The following LSM3 variants were observed in gnomAD, a reference collection of about 807,000 sequenced individuals.
The protein encoded by LSM3 is U6 snRNA-associated Sm-like protein LSm3.
Under a neutral mutation model 15.4 loss-of-function variants are expected in LSM3, and 14 were observed. That is an observed-to-expected ratio of 0.91 (90% CI 0.60 to 1.42). The LOEUF is 1.42. Among genes scored for constraint, LSM3 ranks in the 40% most tolerant of loss-of-function variants. The pLI, the probability that LSM3 is intolerant of heterozygous loss-of-function variation, is 0.00. For missense variants in LSM3, 88 were observed against 127.9 expected (o/e 0.69, Z 1.50); for synonymous variants, 46 against 45.1 (o/e 1.02, Z -0.08).
rs1195113038 is a variant in LSM3, at chr3:14,185,975, A to G, written c.228+1943A>G. 5.9e-5 allele frequency among the ~76,000 whole-genome samples: 9 copies of G among 151,700 alleles called. No individual in the cohort carries two copies. In the South Asian group the frequency reaches 1.5e-3, roughly 25 times the overall value. ...GTCACCCAGGCTGGAGTGCAATGTCAGTCTCAGCTCACTGCAGCCTCCGCC... is the reference window on the plus strand; with the variant it reads ...GTCACCCAGGCTGGAGTGCAATGTCGGTCTCAGCTCACTGCAGCCTCCGCC... On this transcript the variant is annotated intron_variant, in intron 3 of 3. Transcript: ENST00000306024.
intron 3 of LSM3, among the ~76,000 whole-genome samples, chr3:14,196,380 G>T (rs1409734587): frequency 6.6e-6 from 1 of 152,148 alleles, no homozygotes; most frequent in African/African-American, 2.4e-5. Context: ...CCAGCTCAGG[G>T]TGCAGGACTG....
intron 3 of LSM3, among the ~76,000 whole-genome samples, chr3:14,184,574 G>C (rs1574987882): frequency 6.6e-6 from 1 of 151,026 alleles, no homozygotes; most frequent in African/African-American, 2.4e-5. Flanking sequence ...CTAAAAAAAC[G>C]GTGAAACCCC....
At chr3:14,194,265 T>G (rs760754689) in intron 3 of LSM3, among the ~76,000 whole-genome samples, 5 of 152,166 alleles carry the variant, frequency 3.3e-5, no homozygotes, top group Non-Finnish European at 7.4e-5. Flanking sequence ...AGACTGACCC[T>G]TAGCAGAGCT....
At chr3:14,197,926 A>T in intron 3 of LSM3, 110 bp from the exon 4 acceptor site, 1 of 890,216 alleles carries the variant, frequency 1.1e-6, no homozygotes, top group Non-Finnish European at 1.8e-6. Context: ...CAGGTTTTTT[A>T]ATCCAATTTT....
intron 1 of LSM3, 94 bp from the exon 2 acceptor site, chr3:14,181,466 G>A (rs936645600): frequency 9.0e-6 from 7 of 778,322 alleles, no homozygotes; most frequent in Non-Finnish European, 1.3e-5. Context: ...GCAGAAAAAG[G>A]TTAAATAACT....
At position 14,199,278 on chromosome 3, in the gene LSM3, A is replaced by G. The variant is rs1199775507; in HGVS notation, c.*1162A>G. 6.6e-6 allele frequency: 1 copy of G among 152,236 alleles called. No individual in the cohort carries two copies. The highest frequency in any genetic ancestry group is 2.4e-5 in the African/African-American group (1 of 41,470). The allele number at this position is 152,236 out of a possible 1,614,324, so 9.4% of individuals were successfully genotyped here. On this transcript the variant is annotated 3_prime_UTR_variant, in exon 4 of 4. Transcript: ENST00000306024. ...TATTTCTAGCTTCAGTCAGCACATAATGCTTAAAACCTAAAGAGGAAAGTA... is the reference window on the plus strand; with the variant it reads ...TATTTCTAGCTTCAGTCAGCACATAGTGCTTAAAACCTAAAGAGGAAAGTA...
chr3:14,187,828 G>A (rs1012971867), intron 3 of LSM3, among the ~76,000 whole-genome samples: 5 of 152,228 alleles, frequency 3.3e-5, no homozygotes, highest in Admixed American at 2.0e-4. Context: ...GTGGAAAGCA[G>A]TCAGTCTTAC....
chr3:14,196,297 C>T (rs138605311), intron 3 of LSM3, among the ~76,000 whole-genome samples: 47 of 152,078 alleles, frequency 3.1e-4, no homozygotes, highest in African/African-American at 1.1e-3. Flanking sequence ...CAGAGATCAA[C>T]GATAGTGGGT....
At chr3:14,183,366 T>G (rs866024814) in intron 2 of LSM3, among the ~76,000 whole-genome samples, 1 of 152,224 alleles carries the variant, frequency 6.6e-6, no homozygotes, top group Non-Finnish European at 1.5e-5. Flanking sequence ...ATTTATTGAT[T>G]GAGCCCACAG....
At chr3:14,180,451 G>A (rs1697019489) in intron 1 of LSM3, among the ~76,000 whole-genome samples, 1 of 151,922 alleles carries the variant, frequency 6.6e-6, no homozygotes, top group East Asian at 1.9e-4. Context: ...GCCACACCTG[G>A]CTAATTTTTG....
intron 3 of LSM3, among the ~76,000 whole-genome samples, chr3:14,190,549 A>C (rs1236200456): frequency 6.6e-6 from 1 of 152,102 alleles, no homozygotes; most frequent in African/African-American, 2.4e-5. Context: ...TTATTCTCTT[A>C]GTAGCAATTG....
chr3:14,196,844 T>C (rs896257962), intron 3 of LSM3, among the ~76,000 whole-genome samples: 1 of 152,222 alleles, frequency 6.6e-6, no homozygotes, highest in African/African-American at 2.4e-5. Flanking sequence ...ATGCAATTTC[T>C]TTAAAAACTT....
Position 14,180,436 on chromosome 3 carries a change from G to A in LSM3, c.22-1124G>A, listed in dbSNP as rs377085191. Reference sequence around the variant, plus strand: ...CCCAAGTAGCTGGGACTACAGGTGCGTGCCGCCACACCTGGCTAATTTTTG... The same window carrying A: ...CCCAAGTAGCTGGGACTACAGGTGCATGCCGCCACACCTGGCTAATTTTTG... On this transcript the variant is annotated intron_variant, in intron 1 of 3. Coordinates refer to ENST00000306024, the MANE Select transcript of LSM3 (RefSeq NM_014463.3). Among the ~76,000 whole-genome samples, 25 of 151,912 alleles carry A rather than the reference G, an allele frequency of 1.6e-4. No individual in the cohort carries two copies. In the East Asian group the frequency reaches 4.1e-3, roughly 25 times the overall value.
At chr3:14,181,479 C>T (rs2125056364) in intron 1 of LSM3, 81 bp from the exon 2 acceptor site, 2 of 857,382 alleles carry the variant, frequency 2.3e-6, no homozygotes, top group Middle Eastern at 2.9e-4. Context: ...AAATAACTTG[C>T]CCATGGTCAC....
At position 14,198,145 on chromosome 3, in the gene LSM3, G is replaced by A. The variant is rs755227352; in HGVS notation, c.*29G>A. The A allele has an allele frequency of 1.4e-5, 21 of 1,554,176 alleles. No homozygotes were observed. Among genetic ancestry groups the A allele is most frequent in the Admixed American group, 5.0e-5 (3 of 59,886 alleles). ...AAAGAATTTGTCCTGTATGGAAAAC[G>A]GGAGACTTTGTACAGTGGCCTCTCT... On this transcript the variant is annotated 3_prime_UTR_variant, in exon 4 of 4. Transcript: ENST00000306024.
At chr3:14,187,538 A>G (rs775208662) in intron 3 of LSM3, among the ~76,000 whole-genome samples, 1 of 152,198 alleles carries the variant, frequency 6.6e-6, no homozygotes, top group African/African-American at 2.4e-5. Context: ...GAGTGTCTGC[A>G]TCTGGTTCAG....
intron 3 of LSM3, among the ~76,000 whole-genome samples, chr3:14,189,976 A>C (rs1376048327): frequency 6.6e-6 from 1 of 152,156 alleles, no homozygotes; most frequent in Non-Finnish European, 1.5e-5. Context: ...ATTTTTGTAA[A>C]AGGTGTAAGG....
chr3:14,186,674 A>G (rs1697092634), intron 3 of LSM3, among the ~76,000 whole-genome samples: 1 of 152,144 alleles, frequency 6.6e-6, no homozygotes, highest in South Asian at 2.1e-4. Flanking sequence ...ATTTTTTAAA[A>G]TCTGCATTTT....
intron 3 of LSM3, among the ~76,000 whole-genome samples, chr3:14,184,854 G>C (rs1399299028): frequency 6.6e-6 from 1 of 151,998 alleles, no homozygotes; most frequent in Non-Finnish European, 1.5e-5. Flanking sequence ...TCAGGAGTTC[G>C]AGACCAGCCT....
Sources: allele counts gnomAD v4.1 joint callset (sites outside exome capture counted in the v4.1 genomes callset), GRCh38; gene constraint gnomAD v4.1.1; transcripts MANE v1.5; gene names NCBI Gene and HGNC (gene_info 2026-07-23, HGNC 2026-07-21).